Variants in LRFN2 observed in about 807,000 individuals in gnomAD.
LRFN2 encodes the protein leucine-rich repeat and fibronectin type-III domain-containing protein 2.
A neutral mutation model predicts 37.3 loss-of-function variants in LRFN2; 18 were observed. The ratio of observed to expected loss-of-function variants is 0.48; its 90% CI spans 0.33 to 0.72. LRFN2 has a LOEUF of 0.72. LRFN2 is among the 30% of genes least tolerant of loss of function. LRFN2 has a pLI of 0.02. For missense variants in LRFN2, 1,006 were observed against 1,060.7 expected, an observed-to-expected ratio of 0.95 and a Z score of 0.72; for synonymous variants, 556 against 466.6, an observed-to-expected ratio of 1.19 and a Z score of -2.47.
chr6:40,397,096 C>T (rs935378818), intron 2 of LRFN2, among the ~76,000 whole-genome samples: 2 of 152,214 alleles, frequency 1.3e-5, no homozygotes, highest in African/African-American at 4.8e-5. Context: ...AACCAACAGA[C>T]AAATTGCATG....
At chr6:40,540,530 G>A (rs1437606711) in intron 1 of LRFN2, among the ~76,000 whole-genome samples, 1 of 152,132 alleles carries the variant, frequency 6.6e-6, no homozygotes, top group Non-Finnish European at 1.5e-5. Context: ...AGACAGTCAG[G>A]GAGCTTTCAG....
At chr6:40,420,025 A>T (rs905672380) in intron 2 of LRFN2, among the ~76,000 whole-genome samples, 3 of 152,086 alleles carry the variant, frequency 2.0e-5, no homozygotes, top group Admixed American at 1.3e-4. Flanking sequence ...CCTGCCGCTC[A>T]CCTCCTTTAC....
intron 1 of LRFN2, among the ~76,000 whole-genome samples, chr6:40,436,557 C>T: frequency 6.7e-6 from 1 of 148,928 alleles, no homozygotes; most frequent in East Asian, 2.0e-4. Flanking sequence ...TGCCGAGTTC[C>T]ACACAGCTCT....
chr6:40,487,364 G>A (rs536165030), intron 1 of LRFN2, among the ~76,000 whole-genome samples: 9 of 152,294 alleles, frequency 5.9e-5, no homozygotes, highest in African/African-American at 2.2e-4. Flanking sequence ...CTCACCATTT[G>A]ACTCTCACTG....
intron 1 of LRFN2, among the ~76,000 whole-genome samples, chr6:40,535,485 T>C (rs1766431708): frequency 6.6e-6 from 1 of 151,992 alleles, no homozygotes; most frequent in Admixed American, 6.6e-5. Flanking sequence ...TTGGGGGTGG[T>C]TGGAAACCCG....
rs982348535 is a variant in LRFN2, at chr6:40,504,759, T to A, written c.-18-71628A>T. ...GGCCAGCCTCACTCTCCAGCCCTTT[T>A]CAATTTCCAAAGCTCTTTCGTATAC... On this transcript the variant is annotated intron_variant, in intron 1 of 2. Coordinates refer to ENST00000338305, the MANE Select transcript of LRFN2 (RefSeq NM_020737.3). Among the ~76,000 whole-genome samples the A allele has an allele frequency of 2.0e-5, 3 of 152,180 alleles. No homozygotes were observed. In the South Asian group the frequency reaches 6.2e-4, roughly 32 times the overall value.
chr6:40,407,056 A>G (rs908254750), intron 2 of LRFN2, among the ~76,000 whole-genome samples: 1 of 152,176 alleles, frequency 6.6e-6, no homozygotes, highest in Non-Finnish European at 1.5e-5. Flanking sequence ...CAGACTGTCA[A>G]TGGAGAGGCC....
At chr6:40,504,866 G>A (rs1328652841) in intron 1 of LRFN2, among the ~76,000 whole-genome samples, 1 of 152,216 alleles carries the variant, frequency 6.6e-6, no homozygotes, top group East Asian at 1.9e-4. Flanking sequence ...AGGGAGCTGT[G>A]AGTACAGCGT....
At chr6:40,484,376 A>G (rs541875813) in intron 1 of LRFN2, among the ~76,000 whole-genome samples, 145 of 152,236 alleles carry the variant, frequency 9.5e-4, no homozygotes, top group Middle Eastern at 3.4e-3. Flanking sequence ...GGACTCCCCA[A>G]TGGATCCTGC....
intron 1 of LRFN2, among the ~76,000 whole-genome samples, chr6:40,494,959 C>T (rs907263000): frequency 1.3e-5 from 2 of 152,208 alleles, no homozygotes; most frequent in Non-Finnish European, 2.9e-5. Flanking sequence ...TTCCTTCATG[C>T]TCACCTGGAA....
chr6:40,435,574 T>C (rs1017382632), intron 1 of LRFN2, among the ~76,000 whole-genome samples: 3 of 152,066 alleles, frequency 2.0e-5, no homozygotes, highest in Non-Finnish European at 2.9e-5. Flanking sequence ...AGTCTGGCTC[T>C]GTCACCCAGG....
intron 1 of LRFN2, among the ~76,000 whole-genome samples, chr6:40,513,034 T>A (rs1273430858): frequency 6.6e-6 from 1 of 152,122 alleles, no homozygotes. Context: ...CTTTAGCATG[T>A]CCTTAGTGGC....
chr6:40,488,414 T>C (rs78881058), intron 1 of LRFN2, among the ~76,000 whole-genome samples: 6,761 of 145,878 alleles, frequency 0.046, 417 homozygotes, highest in African/African-American at 0.14. Flanking sequence ...AGCACCCCCA[T>C]GAGAAGTGAT....
At chr6:40,494,956 A>T (rs1251476990) in intron 1 of LRFN2, among the ~76,000 whole-genome samples, 1 of 152,028 alleles carries the variant, frequency 6.6e-6, no homozygotes, top group Non-Finnish European at 1.5e-5. Flanking sequence ...TCCTTCCTTC[A>T]TGCTCACCTG....
chr6:40,458,169 T>C (rs1466418775), intron 1 of LRFN2, among the ~76,000 whole-genome samples: 1 of 152,216 alleles, frequency 6.6e-6, no homozygotes, highest in Non-Finnish European at 1.5e-5. Context: ...CTTTAACATG[T>C]GGAGAAACCC....
intron 2 of LRFN2, among the ~76,000 whole-genome samples, chr6:40,426,359 T>C (rs1025461594): frequency 1.3e-5 from 2 of 152,234 alleles, no homozygotes; most frequent in Non-Finnish European, 2.9e-5. Flanking sequence ...CACTACTTTG[T>C]GGCAGCTTTT....
chr6:40,480,754 G>A (rs180847491), intron 1 of LRFN2, among the ~76,000 whole-genome samples: 54 of 152,282 alleles, frequency 3.5e-4, no homozygotes, highest in Admixed American at 3.5e-3. Flanking sequence ...CCTGCAGGGA[G>A]GGTTGTGATT....
At chr6:40,533,164 GTCTCTC>G (rs1205588787) in intron 1 of LRFN2, among the ~76,000 whole-genome samples, 1 of 124,716 alleles carries the variant, frequency 8.0e-6, no homozygotes, top group East Asian at 2.1e-4. Context: ...CTCTGTCTCT[GTCTCTC>G]TGTCTCTCTG....
At chr6:40,458,811 AC>A (rs1331888140) in intron 1 of LRFN2, among the ~76,000 whole-genome samples, 2 of 152,146 alleles carry the variant, frequency 1.3e-5, no homozygotes, top group Non-Finnish European at 2.9e-5. Flanking sequence ...CCCCAACAAC[AC>A]AGATGAGCCC....
Sources: allele counts gnomAD v4.1 joint callset (sites outside exome capture counted in the v4.1 genomes callset), GRCh38; gene constraint gnomAD v4.1.1; transcripts MANE v1.5; gene names NCBI Gene and HGNC (gene_info 2026-07-23, HGNC 2026-07-21).